GCC2: variants seen among roughly 807,000 people sequenced by gnomAD.
The protein encoded by GCC2 is GRIP and coiled-coil domain-containing protein 2.
In GCC2, 120 loss-of-function variants were observed where a neutral mutation model predicts 210.6. The observed-to-expected ratio is 0.57, with a 90% CI of 0.49 to 0.66. GCC2 has a LOEUF of 0.66. Ranked by LOEUF, GCC2 falls within the 30% of genes least tolerant of loss-of-function variation. GCC2 has a pLI of 0.00. For missense variants in GCC2, 1,868 were observed against 1,871.9 expected, an observed-to-expected ratio of 1.00 and a Z score of 0.04; for synonymous variants, 703 against 652.7, an observed-to-expected ratio of 1.08 and a Z score of -1.17.
chr2:108,462,595 C>T (rs1680658951), intron 4 of GCC2: 1 of 112,740 alleles, frequency 8.9e-6, no homozygotes, highest in Non-Finnish European at 1.7e-5. Flanking sequence ...CAGAGTCTTG[C>T]TCTGTCGCCC....
In GCC2 at chr2:108,470,391, G is replaced by A; in HGVS notation, c.1062G>A (p.Glu354=). Reference sequence around the variant, plus strand: ...CTCAACACAGTATCTTAAAAGATGAGGTAACTTATATGAATAATCTTAAGT... The same window carrying A: ...CTCAACACAGTATCTTAAAAGATGAAGTAACTTATATGAATAATCTTAAGT... ...LESQHSILKD[E]VTYMNNLKLK... The change falls in exon 6 of 23, where the codon GAG becomes GAA. Residue 354 remains glutamate (E), a synonymous_variant. Coordinates refer to ENST00000309863, the MANE Select transcript of GCC2 (RefSeq NM_181453.4). 1 of 1,606,430 alleles carries A rather than the reference G, an allele frequency of 6.2e-7. No homozygotes were observed. The highest frequency in any genetic ancestry group is 8.5e-7 in the Non-Finnish European group (1 of 1,174,880).
rs769689840 is a variant in GCC2, at chr2:108,487,807, G to C, written c.4039G>C (p.Ala1347Pro). Residue 1347 changes from alanine to proline, a missense_variant, in exon 17 of 23, where the codon GCT (alanine) becomes CCT (proline). Around this residue, in one of 3 missense-constraint regions of GCC2, gnomAD observed 1,847 missense variants for 1,765.2 expected, o/e 1.05. Transcript: ENST00000309863. The stretch of plus-strand genomic sequence containing the variant: ...TATGTCTCAGGCTGAAACTGAGGGC[G>C]CTAAACAAGAAAGGTAAAGTCTGAA... ...KSMSQAETEG[A>P]KQEREHLEML... The C allele has an allele frequency of 2.5e-6, 4 of 1,612,438 alleles. No individual in the cohort carries two copies. In the South Asian group the frequency reaches 4.4e-5, roughly 18 times the overall value.
At chr2:108,458,406 G>C (rs1407249620) in intron 4 of GCC2, among the ~76,000 whole-genome samples, 1 of 100,696 alleles carries the variant, frequency 9.9e-6, no homozygotes, top group South Asian at 3.3e-4. Context: ...CTGTGTCCTT[G>C]TCTGGTTTTG....
chr2:108,472,799 G>GT, intron 6 of GCC2, 28 bp from the exon 7 acceptor site: 3 of 1,322,058 alleles, frequency 2.3e-6, no homozygotes, highest in South Asian at 2.5e-5. Flanking sequence ...GTTTTGTTTT[G>GT]TGTTTTTTTT....
chr2:108,485,583 T>G (rs1214732462), intron 13 of GCC2, 53 bp from the exon 14 acceptor site: 1 of 924,844 alleles, frequency 1.1e-6, no homozygotes, highest in East Asian at 2.5e-5. Flanking sequence ...GTATTTAAAT[T>G]CACTGATAAA....
At chr2:108,484,072 A>G (rs747403021) in intron 12 of GCC2, 77 bp from the exon 13 acceptor site, 35 of 885,240 alleles carry the variant, frequency 4.0e-5, no homozygotes, top group Non-Finnish European at 5.6e-5. Context: ...CATTTTAGCA[A>G]TTTTACAAAT....
chr2:108,453,178 T>C (rs1365539770), intron 4 of GCC2, among the ~76,000 whole-genome samples: 4 of 152,292 alleles, frequency 2.6e-5, no homozygotes, highest in Middle Eastern at 3.4e-3. Context: ...ATTTCACTTA[T>C]CTCATCAAAC....
At position 108,508,028 on chromosome 2, in the gene GCC2, G is replaced by A. The variant is rs1479970299; in HGVS notation, c.*398G>A. On this transcript the variant is annotated 3_prime_UTR_variant, in exon 23 of 23. Transcript: ENST00000309863. Reference sequence around the variant, plus strand: ...AAATAATGTTTCAAGGCCAGGTGTGGTGATTCATGCCTGAAATCCCACTAC... The same window carrying A: ...AAATAATGTTTCAAGGCCAGGTGTGATGATTCATGCCTGAAATCCCACTAC... The A allele has an allele frequency of 6.8e-6, 1 of 148,064 alleles. No individual in the cohort carries two copies. The highest frequency in any genetic ancestry group is 2.5e-5 in the African/African-American group (1 of 40,672). 9.2% of individuals were successfully genotyped at this position (148,064 alleles called of 1,614,324 possible).
At position 108,476,054 on chromosome 2, in the gene GCC2, C is replaced by CCTTTTTTTTT. The variant is rs1558744710; in HGVS notation, c.3060+204_3060+205insCTTTTTTTTT. ...TGGTTAAGCTTTAAATAGTGGCTTGCTTTTTTTTTTTTTTTTTTTTTTTTT... is the reference window on the plus strand; with the variant it reads ...TGGTTAAGCTTTAAATAGTGGCTTGCCTTTTTTTTTTTTTTTTTTTTTTTTTTTTTTTTTT... On this transcript the variant is annotated intron_variant, in intron 9 of 22. Transcript: ENST00000309863. Among the ~76,000 whole-genome samples, 7 of 96,328 alleles carry CCTTTTTTTTT rather than the reference C, an allele frequency of 7.3e-5. 3 individuals are homozygous for CCTTTTTTTTT. The highest frequency in any genetic ancestry group is 8.5e-5 in the Non-Finnish European group (4 of 46,868). 63.2% of individuals were successfully genotyped at this position (96,328 alleles called of 152,430 possible).
intron 9 of GCC2, among the ~76,000 whole-genome samples, chr2:108,479,148 G>A (rs1243235118): frequency 6.6e-6 from 1 of 151,802 alleles, no homozygotes; most frequent in Non-Finnish European, 1.5e-5. Context: ...TAGCGACAGA[G>A]CGAGACAACG....
At chr2:108,483,888 G>A (rs1323970351) in intron 12 of GCC2, among the ~76,000 whole-genome samples, 5 of 152,178 alleles carry the variant, frequency 3.3e-5, no homozygotes, top group Admixed American at 3.3e-4. Flanking sequence ...GCAAGCTACA[G>A]CTGCTAGTTG....
chr2:108,451,859 T>C lies in GCC2; in HGVS notation c.149-540T>C, dbSNP rs559373330. 3.8e-3 allele frequency among the ~76,000 whole-genome samples: 508 copies of C among 135,394 alleles called. 1 individual carries two copies. The highest frequency in any genetic ancestry group is 0.016 in the East Asian group (57 of 3,676). The allele number at this position is 135,394 out of a possible 152,430, so 88.8% of individuals were successfully genotyped here. ...TCTCTCTCTTTTTTTTTTTTTTTTT[T>C]CAAGACGGAGTCTCGCTCTTCTTGG... On this transcript the variant is annotated intron_variant, in intron 3 of 22. Coordinates refer to ENST00000309863, the MANE Select transcript of GCC2 (RefSeq NM_181453.4).
In GCC2 at chr2:108,504,995, G is replaced by A. The variant is rs536430948; in HGVS notation, c.4985-2565G>A. Among the ~76,000 whole-genome samples the A allele has an allele frequency of 2.0e-5, 3 of 152,286 alleles. No individual in the cohort carries two copies. The East Asian group carries it at 5.8e-4, about 29-fold the overall frequency. ...CTGTAAGTGCCTGATTTGATTTGCT[G>A]AGGATATAGAACCTTATCAGAAAAC... On this transcript the variant is annotated intron_variant, in intron 22 of 22. Coordinates refer to ENST00000309863, the MANE Select transcript of GCC2 (RefSeq NM_181453.4).
At chr2:108,484,403 T>G in intron 13 of GCC2, 92 bp downstream of exon 13, 1 of 696,224 alleles carries the variant, frequency 1.4e-6, no homozygotes, top group Non-Finnish European at 2.3e-6. Context: ...TCACCAGTCT[T>G]TCACTGTCAG....
At chr2:108,484,332 T>C (rs766025297) in intron 13 of GCC2, 21 bp downstream of exon 13, 1 of 1,349,670 alleles carries the variant, frequency 7.4e-7, no homozygotes, top group Non-Finnish European at 1.0e-6. Flanking sequence ...GAAAATTCAC[T>C]TTACTTTTTA....
At chr2:108,450,035 A>G in intron 2 of GCC2, 1 of 230,042 alleles carries the variant, frequency 4.3e-6, no homozygotes, top group South Asian at 9.1e-5. Flanking sequence ...TCCAGTTTCT[A>G]CATTGCCAAA....
chr2:108,506,479 C>T (rs1391496316), intron 22 of GCC2, among the ~76,000 whole-genome samples: 1 of 152,122 alleles, frequency 6.6e-6, no homozygotes, highest in Non-Finnish European at 1.5e-5. Context: ...CCAGGGAGAA[C>T]TTTGAGGAGG....
At chr2:108,486,720 G>T in intron 16 of GCC2, 72 bp downstream of exon 16, 1 of 1,374,176 alleles carries the variant, frequency 7.3e-7, no homozygotes, top group Non-Finnish European at 1.0e-6. Flanking sequence ...TTACTCCAGG[G>T]CTGTGCTCTG....
Position 108,470,869 on chromosome 2 carries a change from T to G in GCC2, c.1540T>G (p.Ser514Ala). The G allele has an allele frequency of 6.2e-7, 1 of 1,613,650 alleles. No homozygotes were observed. Among genetic ancestry groups the G allele is most frequent in the Non-Finnish European group, 8.5e-7 (1 of 1,179,710 alleles). ...EFESMKQQQA[S>A]DVHELQQKLR... ...CGAATCAATGAAGCAACAGCAAGCA[T>G]CTGATGTTCATGAACTGCAGCAGAA... The change falls in exon 6 of 23, where the codon TCT (serine) becomes GCT (alanine). Residue 514 changes from serine to alanine, a missense_variant. This residue lies in a region of GCC2 where 1,847 missense variants were observed against 1,765.2 expected (regional missense o/e 1.05). Coordinates refer to ENST00000309863, the MANE Select transcript of GCC2 (RefSeq NM_181453.4).
Sources: allele counts gnomAD v4.1 joint callset (sites outside exome capture counted in the v4.1 genomes callset), GRCh38; gene constraint gnomAD v4.1.1; regional missense constraint gnomAD v4.1.1; transcripts MANE v1.5; gene names NCBI Gene and HGNC (gene_info 2026-07-23, HGNC 2026-07-21).